CSMD1: variants seen among roughly 807,000 people sequenced by gnomAD.
CSMD1 encodes CUB and Sushi multiple domains 1.
A neutral mutation model predicts 417.5 loss-of-function variants in CSMD1; 213 were observed. The observed-to-expected ratio is 0.51, with a 90% CI of 0.46 to 0.57. The LOEUF is 0.57. CSMD1 is among the 20% of genes least tolerant of loss of function. The pLI, the probability that CSMD1 is intolerant of heterozygous loss-of-function variation, is 0.00. For synonymous variants in CSMD1, 2,862 were observed against 1,736.8 expected (o/e 1.65, Z -16.11); for missense variants, 6,923 against 4,529.7 (o/e 1.53, Z -15.17).
chr8:3,575,207 G>A, intron 9 of CSMD1, 141 bp from the exon 10 acceptor site: 7 of 876,156 alleles, frequency 8.0e-6, no homozygotes, highest in Non-Finnish European at 1.0e-5. Context: ...GACTCCAACT[G>A]GGGCATGGAC....
chr8:4,471,320 G>T (rs1432333184), intron 2 of CSMD1, among the ~76,000 whole-genome samples: 1 of 152,086 alleles, frequency 6.6e-6, no homozygotes, highest in Non-Finnish European at 1.5e-5. Flanking sequence ...GCTGGAAAAG[G>T]CAATAGTGAT....
rs191862078 is a variant in CSMD1 at position 4,073,337 on chromosome 8, C to G, written c.416-41238G>C. Among the ~76,000 whole-genome samples, 15 of 152,150 alleles carry G rather than the reference C, an allele frequency of 9.9e-5. No homozygotes were observed. In the East Asian group the frequency reaches 1.9e-3, roughly 20 times the overall value. ...ACTACAAAATGAAGAATTGTGAAAGCTGACAGTTCTTAGTCACATAAGAGC... is the reference window on the plus strand; with the variant it reads ...ACTACAAAATGAAGAATTGTGAAAGGTGACAGTTCTTAGTCACATAAGAGC... On this transcript the variant is annotated intron_variant, in intron 3 of 69. Transcript: ENST00000635120.
intron 9 of CSMD1, among the ~76,000 whole-genome samples, chr8:3,577,086 G>A (rs1043333198): frequency 6.6e-6 from 1 of 152,144 alleles, no homozygotes; most frequent in Admixed American, 6.5e-5. Flanking sequence ...GACAAGGTGG[G>A]CTCAGCCTGT....
intron 3 of CSMD1, among the ~76,000 whole-genome samples, chr8:4,090,863 AT>A (rs1280133445): frequency 2.0e-5 from 3 of 151,962 alleles, no homozygotes; most frequent in Non-Finnish European, 4.4e-5. Flanking sequence ...TGCCATAACT[AT>A]TTTACTAATG....
Position 4,488,681 on chromosome 8 carries a change from C to T in CSMD1, c.303-68616G>A, listed in dbSNP as rs573127288. Among the ~76,000 whole-genome samples, 24 of 146,692 alleles carry T rather than the reference C, an allele frequency of 1.6e-4. No homozygotes were observed. The South Asian group carries it at 4.3e-3, about 26-fold the overall frequency. On this transcript the variant is annotated intron_variant, in intron 2 of 69. Coordinates refer to ENST00000635120, the MANE Select transcript of CSMD1 (RefSeq NM_033225.6). ...ACACCAAAGAATTACATAATCATGG[C>T]GGTGGGGGGGGTGAAAAGTGTGGAT...
At chr8:3,207,561 G>A (rs1467178826) in intron 30 of CSMD1, among the ~76,000 whole-genome samples, 3 of 152,116 alleles carry the variant, frequency 2.0e-5, no homozygotes, top group East Asian at 1.9e-4. Context: ...TTTCCATGAT[G>A]AATTAAGCTC....
At chr8:4,440,996 C>G (rs550047723) in intron 2 of CSMD1, among the ~76,000 whole-genome samples, 2 of 126,728 alleles carry the variant, frequency 1.6e-5, no homozygotes, top group African/African-American at 6.2e-5. Context: ...GACTCTATCT[C>G]AAAAAAAAAA....
At chr8:4,893,594 T>C (rs1168547518) in intron 1 of CSMD1, among the ~76,000 whole-genome samples, 2 of 152,180 alleles carry the variant, frequency 1.3e-5, no homozygotes, top group Non-Finnish European at 1.5e-5. Flanking sequence ...TGTATTTACA[T>C]AAATTACATT....
chr8:3,563,402 A>T (rs1236050611), intron 10 of CSMD1, among the ~76,000 whole-genome samples: 8 of 148,218 alleles, frequency 5.4e-5, no homozygotes, highest in Admixed American at 2.0e-4. Context: ...AAATTGTAAA[A>T]AAAAGTTCAA....
intron 54 of CSMD1, among the ~76,000 whole-genome samples, chr8:2,984,430 C>T (rs1450980318): frequency 1.3e-5 from 2 of 151,990 alleles, no homozygotes; most frequent in South Asian, 4.2e-4. Context: ...CTCACTGCAA[C>T]CTCCGCCTCC....
rs573277029 is a variant in CSMD1, at chr8:3,649,529, C to A, written c.1010-32732G>T. Among the ~76,000 whole-genome samples the A allele has an allele frequency of 2.6e-5, 4 of 152,244 alleles. No homozygotes were observed. In the South Asian group the frequency reaches 6.2e-4, roughly 24 times the overall value. On this transcript the variant is annotated intron_variant, in intron 7 of 69. Transcript: ENST00000635120. Reference sequence around the variant, plus strand: ...GGTGGAAAGCAAAGGGGAAGCAAGGCACCTTCTTCACAAGGTGGCAGGAAG... The same window carrying A: ...GGTGGAAAGCAAAGGGGAAGCAAGGAACCTTCTTCACAAGGTGGCAGGAAG...
intron 5 of CSMD1, among the ~76,000 whole-genome samples, chr8:3,902,869 CT>C (rs1417207925): frequency 2.4e-4 from 35 of 143,772 alleles, no homozygotes; most frequent in African/African-American, 7.6e-4. Context: ...CTACATCCAA[CT>C]TTCCTTCCAT....
At chr8:4,162,495 G>C (rs372685273) in intron 3 of CSMD1, among the ~76,000 whole-genome samples, 51 of 152,214 alleles carry the variant, frequency 3.4e-4, no homozygotes, top group Non-Finnish European at 6.2e-4. Flanking sequence ...GAACAGTTTT[G>C]ATCCTCATAA....
chr8:4,404,691 A>C (rs992102139), intron 3 of CSMD1, among the ~76,000 whole-genome samples: 1 of 152,024 alleles, frequency 6.6e-6, no homozygotes, highest in African/African-American at 2.4e-5. Flanking sequence ...TTATGTTTAT[A>C]ATATTAATAT....
intron 5 of CSMD1, among the ~76,000 whole-genome samples, chr8:3,802,493 T>C (rs933304116): frequency 1.3e-5 from 2 of 152,206 alleles, no homozygotes; most frequent in Non-Finnish European, 2.9e-5. Flanking sequence ...TCATGTGAAA[T>C]TGATGTGAGG....
chr8:4,040,342 CTAT>C (rs1400993476), intron 3 of CSMD1, among the ~76,000 whole-genome samples: 1 of 152,128 alleles, frequency 6.6e-6, no homozygotes, highest in Non-Finnish European at 1.5e-5. Flanking sequence ...TCAGTAAGTA[CTAT>C]TATTATGCCC....
chr8:4,246,172 C>A (rs558021804), intron 3 of CSMD1, among the ~76,000 whole-genome samples: 101 of 152,232 alleles, frequency 6.6e-4, no homozygotes, highest in African/African-American at 2.4e-3. Flanking sequence ...CCTCTTTCTT[C>A]CAATATTCCA....
At chr8:4,545,770 G>C (rs1797601730) in intron 2 of CSMD1, among the ~76,000 whole-genome samples, 1 of 152,080 alleles carries the variant, frequency 6.6e-6, no homozygotes, top group African/African-American at 2.4e-5. Flanking sequence ...TCTGTACCTG[G>C]AATCATGCAC....
intron 1 of CSMD1, among the ~76,000 whole-genome samples, chr8:4,993,856 T>C (rs773576119): frequency 6.6e-6 from 1 of 151,970 alleles, no homozygotes; most frequent in Non-Finnish European, 1.5e-5. Flanking sequence ...CTTTGCCTAT[T>C]GGTACCAAAA....
Sources: allele counts gnomAD v4.1 joint callset (sites outside exome capture counted in the v4.1 genomes callset), GRCh38; gene constraint gnomAD v4.1.1; transcripts MANE v1.5; gene names NCBI Gene and HGNC (gene_info 2026-07-23, HGNC 2026-07-21).